MYLK4: variants seen among roughly 807,000 people sequenced by gnomAD.
The protein encoded by MYLK4 is myosin light chain kinase family member 4.
In MYLK4, 46 loss-of-function variants were observed where a neutral mutation model predicts 48.1. The observed-to-expected ratio is 0.96, with a 90% CI of 0.75 to 1.22. MYLK4 has a LOEUF of 1.22. MYLK4 is among the 50% of genes most tolerant of loss of function. MYLK4 has a pLI of 0.00. For synonymous variants in MYLK4, 170 were observed against 180.8 expected, an observed-to-expected ratio of 0.94 and a Z score of 0.48; for missense variants, 451 against 486.1, an observed-to-expected ratio of 0.93 and a Z score of 0.68.
At chr6:2,738,200 G>A (rs1763768187) in intron 2 of MYLK4, among the ~76,000 whole-genome samples, 1 of 152,106 alleles carries the variant, frequency 6.6e-6, no homozygotes, top group Admixed American at 6.6e-5. Flanking sequence ...TAGCAAGTGG[G>A]TGACACTATA....
chr6:2,707,289 T>C (rs1346723687), intron 2 of MYLK4, among the ~76,000 whole-genome samples: 1 of 152,228 alleles, frequency 6.6e-6, no homozygotes, highest in Non-Finnish European at 1.5e-5. Flanking sequence ...TAGTCCACAG[T>C]ATAAATATAC....
intron 1 of MYLK4, among the ~76,000 whole-genome samples, chr6:2,749,652 T>C (rs528102260): frequency 6.6e-6 from 1 of 152,332 alleles, no homozygotes; most frequent in South Asian, 2.1e-4. Context: ...TCACTGGTGA[T>C]GAAATATGCT....
At chr6:2,746,610 C>G (rs1004539040) in intron 2 of MYLK4, among the ~76,000 whole-genome samples, 3 of 152,126 alleles carry the variant, frequency 2.0e-5, no homozygotes, top group Admixed American at 1.3e-4. Context: ...TTCATGTCAC[C>G]AGAGTCTGAA....
the MYLK4 span, among the ~76,000 whole-genome samples, chr6:2,767,169 A>G: frequency 1.3e-5 from 2 of 152,214 alleles, no homozygotes; most frequent in Non-Finnish European, 2.9e-5. Flanking sequence ...AGCGTTCCAG[A>G]TGAGGGCAGT....
At chr6:2,711,771 T>C (rs1023668298) in intron 2 of MYLK4, among the ~76,000 whole-genome samples, 11 of 152,194 alleles carry the variant, frequency 7.2e-5, no homozygotes, top group African/African-American at 2.7e-4. Flanking sequence ...AAACAACTTT[T>C]AACAATGCTA....
At chr6:2,707,746 C>T (rs575985177) in intron 2 of MYLK4, among the ~76,000 whole-genome samples, 96 of 152,032 alleles carry the variant, frequency 6.3e-4, no homozygotes, top group African/African-American at 2.0e-3. Flanking sequence ...TTAAAGAAAA[C>T]GAACCAAATA....
chr6:2,727,501 T>C (rs1281123180), intron 2 of MYLK4, among the ~76,000 whole-genome samples: 1 of 152,096 alleles, frequency 6.6e-6, no homozygotes, highest in African/African-American at 2.4e-5. Flanking sequence ...AGACAGCCGC[T>C]CTTCATAGAA....
chr6:2,721,025 G>A (rs1287399690), intron 2 of MYLK4, among the ~76,000 whole-genome samples: 4 of 152,056 alleles, frequency 2.6e-5, no homozygotes, highest in Admixed American at 6.5e-5. Context: ...GCCGGGCGTG[G>A]TGGCACCTGC....
chr6:2,763,764 G>A, the MYLK4 span, among the ~76,000 whole-genome samples: 6 of 152,214 alleles, frequency 3.9e-5, no homozygotes, highest in Admixed American at 2.6e-4. Flanking sequence ...CGGAGTGGAC[G>A]CCAAGGCAGA....
chr6:2,746,773 G>A (rs548080351), intron 2 of MYLK4, among the ~76,000 whole-genome samples: 3 of 152,322 alleles, frequency 2.0e-5, no homozygotes, highest in Admixed American at 6.5e-5. Flanking sequence ...AGAGAAAAGC[G>A]TGGCATTTTA....
rs1248176836 is a variant in MYLK4 at position 2,678,392 on chromosome 6, G to C, written c.888-20C>G. 2 of 1,611,610 alleles carry C rather than the reference G, an allele frequency of 1.2e-6. No homozygotes were observed. The highest frequency in any genetic ancestry group is 1.7e-6 in the Non-Finnish European group (2 of 1,178,868). On this transcript the variant is annotated intron_variant, in intron 9 of 12. Coordinates refer to ENST00000274643, the MANE Select transcript of MYLK4 (RefSeq NM_001012418.5). ...CTAAGTCTGGAGGACACGGGGTCCA[G>C]AGTGAGTATTTTTTAAACAGCCTCA...
At chr6:2,765,330 G>C in the MYLK4 span, 4 of 247,204 alleles carry the variant, frequency 1.6e-5, no homozygotes, top group Middle Eastern at 1.2e-3. Flanking sequence ...AAACGGCCAC[G>C]GACTACACTT....
At chr6:2,738,131 T>C (rs1300142302) in intron 2 of MYLK4, among the ~76,000 whole-genome samples, 1 of 152,158 alleles carries the variant, frequency 6.6e-6, no homozygotes, top group Non-Finnish European at 1.5e-5. Flanking sequence ...AGTAAGAATG[T>C]GTCACATTAT....
At chr6:2,683,287 T>G in intron 6 of MYLK4, 125 bp from the exon 7 acceptor site, 1 of 1,008,442 alleles carries the variant, frequency 9.9e-7, no homozygotes, top group Non-Finnish European at 1.5e-6. Flanking sequence ...GTTATTTCTC[T>G]GCCTTCTTTA....
intron 6 of MYLK4, among the ~76,000 whole-genome samples, chr6:2,683,391 T>TTGTGTGTGTGTGTGTGTGTGTG (rs67359849): frequency 7.9e-6 from 1 of 126,584 alleles, no homozygotes; most frequent in Non-Finnish European, 1.7e-5. Context: ...CCCCACCTTT[T>TTGTGTGTGTGTGTGTGTGTGTG]TGTGTGTGTG....
chr6:2,676,932 G>T (rs1244433070), intron 10 of MYLK4, among the ~76,000 whole-genome samples: 1 of 152,168 alleles, frequency 6.6e-6, no homozygotes, highest in Non-Finnish European at 1.5e-5. Context: ...ATTTGAAAGG[G>T]TTGACAGTTT....
At chr6:2,755,915 A>C (rs1259989776), upstream of MYLK4, among the ~76,000 whole-genome samples, 3 of 152,206 alleles carry the variant, frequency 2.0e-5, no homozygotes, top group African/African-American at 7.2e-5. Context: ...TCAGAACATC[A>C]CAAAAGGTGG....
chr6:2,768,938 G>C, the MYLK4 span: 1 of 1,515,660 alleles, frequency 6.6e-7, no homozygotes, highest in Non-Finnish European at 8.9e-7. Flanking sequence ...AATATAAAGT[G>C]TGTGAGATCA....
chr6:2,691,828 T>C (rs1001387252), intron 3 of MYLK4, among the ~76,000 whole-genome samples: 9 of 152,036 alleles, frequency 5.9e-5, no homozygotes. Flanking sequence ...GGCTAGAAAA[T>C]GTGGCCATGA....
Sources: gnomAD v4.1 joint callset for allele counts (sites outside exome capture counted in the v4.1 genomes callset) on GRCh38, gnomAD v4.1.1 for gene constraint, MANE v1.5 for transcripts, NCBI Gene and HGNC (gene_info 2026-07-23, HGNC 2026-07-21) for gene names.